SNTG1: variants seen among roughly 807,000 people sequenced by gnomAD.
SNTG1 encodes the protein gamma-1-syntrophin.
SNTG1 carries 39 observed loss-of-function variants against 74.7 expected under a neutral mutation model. That is an observed-to-expected ratio of 0.52 (90% CI 0.40 to 0.68). SNTG1 has a LOEUF of 0.68. Among genes scored for constraint, SNTG1 ranks in the 30% least tolerant of loss-of-function variants. SNTG1 has a pLI of 0.00. For missense variants in SNTG1, 685 were observed against 609.5 expected, an observed-to-expected ratio of 1.12 and a Z score of -1.30; for synonymous variants, 254 against 217.1, an observed-to-expected ratio of 1.17 and a Z score of -1.49.
chr8:50,015,097 A>G (rs1816190473), intron 1 of SNTG1, among the ~76,000 whole-genome samples: 1 of 151,994 alleles, frequency 6.6e-6, no homozygotes. Context: ...CAGTGAACCT[A>G]CATGCATACA....
chr8:50,340,735 T>C (rs1428459491), intron 2 of SNTG1, among the ~76,000 whole-genome samples: 1 of 151,996 alleles, frequency 6.6e-6, no homozygotes, highest in East Asian at 1.9e-4. Context: ...AAATTGGACT[T>C]CCTTAAAATT....
intron 1 of SNTG1, among the ~76,000 whole-genome samples, chr8:50,105,623 G>A (rs887284722): frequency 4.6e-5 from 7 of 151,948 alleles, no homozygotes; most frequent in Admixed American, 4.6e-4. Flanking sequence ...ATTGCTTTGT[G>A]CAGTATGGCC....
chr8:50,445,673 C>T (rs1563397228), intron 5 of SNTG1, among the ~76,000 whole-genome samples: 1 of 152,176 alleles, frequency 6.6e-6, no homozygotes, highest in Non-Finnish European at 1.5e-5. Context: ...CACTGCCTTC[C>T]TTTTCCTAAT....
chr8:50,656,097 T>G (rs1369945954), intron 13 of SNTG1, among the ~76,000 whole-genome samples: 2 of 152,120 alleles, frequency 1.3e-5, no homozygotes, highest in Non-Finnish European at 2.9e-5. Context: ...CTGCCAACCA[T>G]AAAGCCAACG....
chr8:50,732,042 C>T (rs146627864), intron 17 of SNTG1, among the ~76,000 whole-genome samples: 28 of 151,920 alleles, frequency 1.8e-4, no homozygotes, highest in African/African-American at 5.8e-4. Context: ...TTGGGGTATC[C>T]TACTGATAGC....
intron 1 of SNTG1, among the ~76,000 whole-genome samples, chr8:50,037,252 G>A (rs2130792995): frequency 6.6e-6 from 1 of 152,310 alleles, no homozygotes; most frequent in Non-Finnish European, 1.5e-5. Flanking sequence ...TATCTTAAAG[G>A]TTTTTTGCTG....
chr8:50,495,720 A>G (rs745363388), intron 8 of SNTG1, among the ~76,000 whole-genome samples: 1 of 152,100 alleles, frequency 6.6e-6, no homozygotes, highest in South Asian at 2.1e-4. Flanking sequence ...TCTCCTGCCC[A>G]TGGCTAGCAA....
At chr8:50,665,210 C>T (rs73569441) in intron 15 of SNTG1, among the ~76,000 whole-genome samples, 6,678 of 151,932 alleles carry the variant, frequency 0.044, 391 homozygotes, top group African/African-American at 0.12. Flanking sequence ...AGAGTGAATG[C>T]AGGTGGGAGA....
chr8:50,312,592 G>T (rs1225964803), intron 2 of SNTG1, among the ~76,000 whole-genome samples: 1 of 149,684 alleles, frequency 6.7e-6, no homozygotes, highest in African/African-American at 2.5e-5. Context: ...CAAGGGTTTG[G>T]GTTAAAAAGT....
chr8:50,674,351 G>C (rs1438101763), intron 15 of SNTG1, among the ~76,000 whole-genome samples: 1 of 152,012 alleles, frequency 6.6e-6, no homozygotes, highest in Non-Finnish European at 1.5e-5. Flanking sequence ...CTCAATTTCA[G>C]AACTTGTTAT....
intron 1 of SNTG1, among the ~76,000 whole-genome samples, chr8:50,034,205 T>C (rs1223299487): frequency 6.6e-6 from 1 of 152,180 alleles, no homozygotes; most frequent in Non-Finnish European, 1.5e-5. Flanking sequence ...AATTCAGCAA[T>C]TGGATCATCA....
At chr8:50,672,736 G>T (rs1369944500) in intron 15 of SNTG1, among the ~76,000 whole-genome samples, 1 of 151,996 alleles carries the variant, frequency 6.6e-6, no homozygotes, top group South Asian at 2.1e-4. Context: ...ATTGCTTTTT[G>T]CATTTTTGAC....
At chr8:50,184,038 T>C (rs2083298507) in intron 2 of SNTG1, among the ~76,000 whole-genome samples, 1 of 149,584 alleles carries the variant, frequency 6.7e-6, no homozygotes, top group South Asian at 2.2e-4. Context: ...GGATTCCATT[T>C]TTTTTCCACC....
At chr8:50,741,237 T>A (rs1164114039) in intron 17 of SNTG1, among the ~76,000 whole-genome samples, 1 of 151,874 alleles carries the variant, frequency 6.6e-6, no homozygotes, top group Non-Finnish European at 1.5e-5. Context: ...CAATTCTTCT[T>A]CCTCAGCCTC....
chr8:50,684,848 T>C (rs1397755156), intron 15 of SNTG1, among the ~76,000 whole-genome samples: 1 of 151,078 alleles, frequency 6.6e-6, no homozygotes, highest in East Asian at 2.0e-4. Context: ...TAACTCGTCA[T>C]CTACCATTAG....
At chr8:49,942,881 T>G (rs970458811) in intron 1 of SNTG1, among the ~76,000 whole-genome samples, 3 of 152,194 alleles carry the variant, frequency 2.0e-5, no homozygotes, top group African/African-American at 4.8e-5. Context: ...TACTTTCCCT[T>G]GCACTCCACC....
chr8:50,254,441 A>G (rs2086784405), intron 2 of SNTG1, among the ~76,000 whole-genome samples: 1 of 152,216 alleles, frequency 6.6e-6, no homozygotes, highest in Non-Finnish European at 1.5e-5. Context: ...CCTGAGTTTT[A>G]CAATTCACAT....
At chr8:50,448,682 A>G (rs2093427837) in intron 5 of SNTG1, among the ~76,000 whole-genome samples, 1 of 152,070 alleles carries the variant, frequency 6.6e-6, no homozygotes, top group African/African-American at 2.4e-5. Flanking sequence ...ATTTTCTTTC[A>G]CATAAGTTTA....
intron 1 of SNTG1, among the ~76,000 whole-genome samples, chr8:50,015,351 AAG>A (rs1344469510): frequency 6.6e-6 from 1 of 152,024 alleles, no homozygotes; most frequent in African/African-American, 2.4e-5. Flanking sequence ...TAGTTTCAGA[AAG>A]AGAGTGGAAA....
Sources: gnomAD v4.1 joint callset for allele counts (sites outside exome capture counted in the v4.1 genomes callset) on GRCh38, gnomAD v4.1.1 for gene constraint, MANE v1.5 for transcripts, NCBI Gene and HGNC (gene_info 2026-07-23, HGNC 2026-07-21) for gene names.